ADAMTSL3: variants seen among roughly 807,000 people sequenced by gnomAD.
ADAMTSL3 encodes the protein ADAMTS-like protein 3.
In ADAMTSL3, 128 loss-of-function variants were observed where a neutral mutation model predicts 201.7. The ratio of observed to expected loss-of-function variants is 0.63; its 90% CI spans 0.55 to 0.73. ADAMTSL3 has a LOEUF of 0.73. Ranked by LOEUF, ADAMTSL3 falls within the 30% of genes least tolerant of loss-of-function variation. The probability of loss-of-function intolerance (pLI) is 0.00; values close to 1 mark genes in which losing one functional copy is unlikely to be tolerated. For synonymous variants in ADAMTSL3, 738 were observed against 748.4 expected (o/e 0.99, Z 0.23); for missense variants, 1,990 against 2,119.6 (o/e 0.94, Z 1.20).
intron 9 of ADAMTSL3, among the ~76,000 whole-genome samples, chr15:83,871,396 A>G (rs1044404523): frequency 6.6e-6 from 1 of 152,148 alleles, no homozygotes; most frequent in Non-Finnish European, 1.5e-5. Flanking sequence ...AAAACGGCCG[A>G]TGGTTAAATG....
At chr15:83,769,669 T>G (rs774222258) in intron 3 of ADAMTSL3, among the ~76,000 whole-genome samples, 1 of 152,236 alleles carries the variant, frequency 6.6e-6, no homozygotes, top group African/African-American at 2.4e-5. Flanking sequence ...TAAAGCCCAT[T>G]GACCAGTGAG....
intron 6 of ADAMTSL3, among the ~76,000 whole-genome samples, chr15:83,823,220 G>A (rs2063925881): frequency 7.8e-6 from 1 of 128,984 alleles, no homozygotes; most frequent in Admixed American, 7.8e-5. Flanking sequence ...GGGTGAGGGG[G>A]AGGGGGAGGG....
At chr15:84,002,219 G>A (rs371532343) in intron 23 of ADAMTSL3, among the ~76,000 whole-genome samples, 49 of 152,058 alleles carry the variant, frequency 3.2e-4, no homozygotes, top group African/African-American at 1.2e-3. Context: ...AAAACAGGAG[G>A]GGCTCTTCAA....
intron 3 of ADAMTSL3, among the ~76,000 whole-genome samples, chr15:83,725,836 A>G (rs1054832225): frequency 1.3e-5 from 2 of 151,852 alleles, no homozygotes; most frequent in African/African-American, 4.8e-5. Flanking sequence ...TGATTCCTCC[A>G]GTTTTCTTAT....
chr15:84,014,818 A>G (rs2068062605), intron 24 of ADAMTSL3, 94 bp downstream of exon 24: 24 of 1,253,622 alleles, frequency 1.9e-5, no homozygotes, highest in South Asian at 6.9e-5. Flanking sequence ...AGTGAACGAG[A>G]TGGACATCAG....
At chr15:83,888,852 A>T (rs1311227833) in intron 10 of ADAMTSL3, among the ~76,000 whole-genome samples, 1 of 152,236 alleles carries the variant, frequency 6.6e-6, no homozygotes, top group Non-Finnish European at 1.5e-5. Flanking sequence ...CATGTCTTGT[A>T]GAAAGCTGTC....
rs533204016 is a variant in ADAMTSL3 at position 83,711,777 on chromosome 15, A to G, written c.189+7269A>G. ...TTATCATTGAGCTTTTTCACAAATC[A>G]TGAAAGCATAAAAGAATTGTGTGGG... On this transcript the variant is annotated intron_variant, in intron 3 of 29. Coordinates refer to ENST00000286744, the MANE Select transcript of ADAMTSL3 (RefSeq NM_207517.3). Among the ~76,000 whole-genome samples the G allele has an allele frequency of 6.6e-5, 10 of 152,360 alleles. No homozygotes were observed. The South Asian group carries it at 2.1e-3, about 32-fold the overall frequency.
In ADAMTSL3 at chr15:83,658,856, C is replaced by T. The variant is rs571214399; in HGVS notation, c.69+3026C>T. Among the ~76,000 whole-genome samples, 11 of 152,278 alleles carry T rather than the reference C, an allele frequency of 7.2e-5. No homozygotes were observed. In the South Asian group the frequency reaches 1.2e-3, roughly 17 times the overall value. ...GTGTTGACTGTGCCCTGAATTACAACGTGCCCCCCCTTTTTTTTCTCTTGC... is the reference window on the plus strand; with the variant it reads ...GTGTTGACTGTGCCCTGAATTACAATGTGCCCCCCCTTTTTTTTCTCTTGC... On this transcript the variant is annotated intron_variant, in intron 2 of 29. Coordinates refer to ENST00000286744, the MANE Select transcript of ADAMTSL3 (RefSeq NM_207517.3).
At chr15:83,713,780 T>A (rs747519889) in intron 3 of ADAMTSL3, among the ~76,000 whole-genome samples, 9 of 152,228 alleles carry the variant, frequency 5.9e-5, no homozygotes, top group Non-Finnish European at 1.0e-4. Flanking sequence ...TATGTTTTGA[T>A]TGGCTTATTC....
At chr15:83,794,664 G>A (rs1013319728) in intron 4 of ADAMTSL3, among the ~76,000 whole-genome samples, 7 of 151,918 alleles carry the variant, frequency 4.6e-5, no homozygotes, top group Admixed American at 1.3e-4. Context: ...GATAGGGTGG[G>A]GGGGAGGAGA....
At chr15:83,801,088 A>T (rs903638735) in intron 4 of ADAMTSL3, among the ~76,000 whole-genome samples, 13 of 152,078 alleles carry the variant, frequency 8.5e-5, no homozygotes, top group Non-Finnish European at 1.8e-4. Context: ...TTAAAATTTG[A>T]CGTACTCTTA....
rs765654370 is a variant in ADAMTSL3, at chr15:83,655,798, G to C, written c.37G>C (p.Gly13Arg). The part of the protein sequence containing the change: ...SWTSPWWVLI[G>R]MVFMHSPLPQ... ...GACGAGCCCCTGGTGGGTGCTGATA[G>C]GGATGGTCTTCATGCACTCTCCCCT... is the stretch of plus-strand genomic sequence containing the variant. Residue 13 changes from glycine to arginine, a missense_variant, in exon 2 of 30, where the codon GGG becomes CGG. Gly to Arg is a moderately radical substitution (Grantham distance 125, BLOSUM62 -2). Transcript: ENST00000286744. The C allele has an allele frequency of 2.1e-5, 34 of 1,614,030 alleles. No homozygotes were observed. The South Asian group carries it at 3.4e-4, about 16-fold the overall frequency.
At chr15:83,892,214 T>G (rs1474730162) in intron 12 of ADAMTSL3, among the ~76,000 whole-genome samples, 3 of 146,026 alleles carry the variant, frequency 2.1e-5, no homozygotes, top group Non-Finnish European at 4.5e-5. Context: ...AGACTCCATC[T>G]TAAAAAAAAA....
chr15:83,987,945 G>T (rs2067510962), intron 21 of ADAMTSL3, among the ~76,000 whole-genome samples: 1 of 152,076 alleles, frequency 6.6e-6, no homozygotes, highest in Admixed American at 6.6e-5. Flanking sequence ...TAAAATAAAA[G>T]AACAAGCACT....
At chr15:83,862,524 T>G (rs1567197144) in intron 8 of ADAMTSL3, 1 of 152,158 alleles carries the variant, frequency 6.6e-6, no homozygotes, top group Non-Finnish European at 1.5e-5. Context: ...AAACTAAGCT[T>G]CATAAGTGAA....
At chr15:83,757,396 G>T (rs1321107007) in intron 3 of ADAMTSL3, among the ~76,000 whole-genome samples, 2 of 152,178 alleles carry the variant, frequency 1.3e-5, no homozygotes, top group African/African-American at 4.8e-5. Flanking sequence ...TGAAGCCATG[G>T]CCTGAGTTGT....
rs1229730305 is a variant in ADAMTSL3, at chr15:83,942,706, G to C, written c.2228G>C (p.Cys743Ser). 6.2e-7 allele frequency: 1 copy of C among 1,613,990 alleles called. No individual in the cohort carries two copies. Residue 743 changes from cysteine to serine, a missense_variant, in exon 18 of 30, where the codon TGC (cysteine) becomes TCC (serine). Transcript: ENST00000286744. Reference sequence around the variant, plus strand: ...GAGACCCCTGCCCCTCCTGAGGAGTGCCGAGATGAAAAGCCCCATGCTTTA... The same window carrying C: ...GAGACCCCTGCCCCTCCTGAGGAGTCCCGAGATGAAAAGCCCCATGCTTTA... ...PGETPAPPEE[C>S]RDEKPHALQA...
intron 19 of ADAMTSL3, among the ~76,000 whole-genome samples, chr15:83,964,542 G>A (rs762281775): frequency 1.3e-4 from 20 of 152,104 alleles, no homozygotes; most frequent in Non-Finnish European, 2.2e-4. Flanking sequence ...CCAAACCTAC[G>A]TTTGTTTGGT....
At chr15:83,717,512 T>A (rs2141561672) in intron 3 of ADAMTSL3, 1 of 152,294 alleles carries the variant, frequency 6.6e-6, no homozygotes, top group South Asian at 2.1e-4. Context: ...ATGAAATTTG[T>A]GATGAGTTTT....
Sources: gnomAD v4.1 joint callset for allele counts (sites outside exome capture counted in the v4.1 genomes callset) on GRCh38, gnomAD v4.1.1 for gene constraint, MANE v1.5 for transcripts, NCBI Gene and HGNC (gene_info 2026-07-23, HGNC 2026-07-21) for gene names.